The following ANKRD36 variants were observed in gnomAD, a reference collection of about 807,000 sequenced individuals.
ANKRD36 encodes ankyrin repeat domain 36, also known as ankyrin repeat domain-containing protein 36A.
A neutral mutation model predicts 278.1 loss-of-function variants in ANKRD36; 179 were observed. The ratio of observed to expected loss-of-function variants is 0.64; its 90% CI spans 0.57 to 0.73. The LOEUF is 0.73. ANKRD36 is among the 30% of genes least tolerant of loss of function. The pLI, the probability that ANKRD36 is intolerant of heterozygous loss-of-function variation, is 0.00. For synonymous variants in ANKRD36, 320 were observed against 641.1 expected, an observed-to-expected ratio of 0.50 and a Z score of 7.57; for missense variants, 1,159 against 1,956.7, an observed-to-expected ratio of 0.59 and a Z score of 7.69.
intron 30 of ANKRD36, among the ~76,000 whole-genome samples, chr2:97,185,881 A>T (rs1331603495): frequency 6.6e-6 from 1 of 151,846 alleles, no homozygotes; most frequent in African/African-American, 2.4e-5. Context: ...CTAAAAACAG[A>T]TGGAAAAGTG....
chr2:97,185,931 G>A (rs2057337038), intron 30 of ANKRD36, among the ~76,000 whole-genome samples: 1 of 151,750 alleles, frequency 6.6e-6, no homozygotes, highest in African/African-American at 2.4e-5. Flanking sequence ...GAGAACTAAC[G>A]AGACCACTGA....
Position 97,142,859 on chromosome 2 carries a change from G to A in ANKRD36, c.901+24G>A, listed in dbSNP as rs188603624. 191 of 1,546,596 alleles carry A rather than the reference G, an allele frequency of 1.2e-4. 1 individual carries two copies. The highest frequency in any genetic ancestry group is 4.4e-4 in the Admixed American group (22 of 49,696). Reference sequence around the variant, plus strand: ...AGGTATTTTGGAATACACATTTAATGTCATGTTCACTCAGGATAGAAGAGA... The same window carrying A: ...AGGTATTTTGGAATACACATTTAATATCATGTTCACTCAGGATAGAAGAGA... On this transcript the variant is annotated intron_variant, in intron 8 of 75. Coordinates refer to ENST00000420699, the MANE Select transcript of ANKRD36 (RefSeq NM_001354587.1).
intron 22 of ANKRD36, among the ~76,000 whole-genome samples, chr2:97,175,416 A>G (rs2053930574): frequency 6.6e-6 from 1 of 151,746 alleles, no homozygotes; most frequent in African/African-American, 2.4e-5. Flanking sequence ...ATTTGCGTAG[A>G]GGTGTTTGTA....
chr2:97,116,894 G>A (rs974563229), intron 1 of ANKRD36, among the ~76,000 whole-genome samples: 8 of 151,864 alleles, frequency 5.3e-5, no homozygotes, highest in Non-Finnish European at 1.0e-4. Context: ...TATTCATCAA[G>A]CATAACCTGA....
chr2:97,231,042 T>G (rs1352707368), intron 67 of ANKRD36, among the ~76,000 whole-genome samples: 1 of 152,112 alleles, frequency 6.6e-6, no homozygotes, highest in Non-Finnish European at 1.5e-5. Context: ...GGTGTCAGTC[T>G]GCCCCTACCT....
chr2:97,195,001 A>T, intron 40 of ANKRD36, 84 bp downstream of exon 40: 1 of 1,490,088 alleles, frequency 6.7e-7, no homozygotes, highest in Non-Finnish European at 9.0e-7. Context: ...GGGGCTGGTC[A>T]AAGATGCACA....
At chr2:97,208,460 C>T (rs1244565339) in intron 54 of ANKRD36, among the ~76,000 whole-genome samples, 4 of 146,318 alleles carry the variant, frequency 2.7e-5, no homozygotes, top group Non-Finnish European at 4.5e-5. Flanking sequence ...CTAAGGAAGA[C>T]GGATTGTGAG....
Position 97,224,891 on chromosome 2 carries a change from T to C in ANKRD36, c.3951+12T>C, listed in dbSNP as rs2068921658. On this transcript the variant is annotated intron_variant, in intron 67 of 75. Coordinates refer to ENST00000420699, the MANE Select transcript of ANKRD36 (RefSeq NM_001354587.1). ...ATAACCAGCCACAGGTATGTAAAAATTTAAAATCAAATTTCTGGTTTAATC... is the reference window on the plus strand; with the variant it reads ...ATAACCAGCCACAGGTATGTAAAAACTTAAAATCAAATTTCTGGTTTAATC... 1 of 979,632 alleles carries C rather than the reference T, an allele frequency of 1.0e-6. No homozygotes were observed. Among genetic ancestry groups the C allele is most frequent in the Admixed American group, 3.0e-5 (1 of 32,916 alleles). The allele number at this position is 979,632 out of a possible 1,614,324, so 60.7% of individuals were successfully genotyped here.
At chr2:97,193,403 G>T (rs1353882633) in intron 38 of ANKRD36, among the ~76,000 whole-genome samples, 1 of 136,448 alleles carries the variant, frequency 7.3e-6, no homozygotes, top group Non-Finnish European at 1.6e-5. Context: ...ACACACTTCA[G>T]CTCGCACTGC....
rs368889317 is a variant in ANKRD36, at chr2:97,134,660, C to T, written c.799+7526C>T. 3.8e-4 allele frequency among the ~76,000 whole-genome samples: 58 copies of T among 152,158 alleles called. 1 individual carries two copies. The East Asian group carries it at 6.0e-3, about 16-fold the overall frequency. On this transcript the variant is annotated intron_variant, in intron 6 of 75. Transcript: ENST00000420699. The stretch of plus-strand genomic sequence containing the variant: ...AAGAGAGTCATACTATTTTTGTTTA[C>T]ATAAAGTGACAAAGATTTGTTGTTG...
At chr2:97,207,047 A>C (rs2063052408) in intron 52 of ANKRD36, among the ~76,000 whole-genome samples, 1 of 151,616 alleles carries the variant, frequency 6.6e-6, no homozygotes, top group Non-Finnish European at 1.5e-5. Context: ...TCTGAATGAA[A>C]AACTGATCAA....
At chr2:97,156,912 T>C (rs1335662762) in intron 15 of ANKRD36, among the ~76,000 whole-genome samples, 2 of 151,924 alleles carry the variant, frequency 1.3e-5, no homozygotes, top group African/African-American at 4.8e-5. Flanking sequence ...TGATCACCAT[T>C]CTAACAGGTG....
chr2:97,230,479 T>G (rs2071565184), intron 67 of ANKRD36, among the ~76,000 whole-genome samples: 1 of 152,116 alleles, frequency 6.6e-6, no homozygotes, highest in African/African-American at 2.4e-5. Flanking sequence ...GCCTCGGCTT[T>G]CAGCTTCATC....
intron 58 of ANKRD36, 83 bp downstream of exon 58, chr2:97,211,824 C>G: frequency 7.0e-7 from 1 of 1,427,582 alleles, no homozygotes; most frequent in Non-Finnish European, 9.5e-7. Flanking sequence ...GCGGGGGGTT[C>G]GTCAAGCCTT....
chr2:97,234,936 T>C (rs1379284854), intron 68 of ANKRD36, among the ~76,000 whole-genome samples: 2 of 135,266 alleles, frequency 1.5e-5, no homozygotes, highest in African/African-American at 3.2e-5. Flanking sequence ...GCTACTTTTT[T>C]ACAAGGGTAT....
chr2:97,170,144 T>C (rs1209169666), intron 22 of ANKRD36, among the ~76,000 whole-genome samples: 1 of 151,940 alleles, frequency 6.6e-6, no homozygotes, highest in Non-Finnish European at 1.5e-5. Flanking sequence ...GTATGATCTT[T>C]GACAAACCTG....
chr2:97,222,094 T>A (rs1360776460), intron 66 of ANKRD36, among the ~76,000 whole-genome samples: 1 of 152,002 alleles, frequency 6.6e-6, no homozygotes, highest in Non-Finnish European at 1.5e-5. Context: ...GTTATAGATA[T>A]GTGGCATTAT....
Position 97,172,174 on chromosome 2 carries a change from CAT to C in ANKRD36, c.1633+4408_1633+4409del, listed in dbSNP as rs2052767444. Among the ~76,000 whole-genome samples the C allele has an allele frequency of 2.6e-5, 4 of 151,476 alleles. No individual in the cohort carries two copies. In the South Asian group the frequency reaches 6.3e-4, roughly 24 times the overall value. ...TGCACATTAAAAACCTCTTACAACA[CAT>C]GTGCACATTCATAGATAACATGTAG... On this transcript the variant is annotated intron_variant, in intron 22 of 75. Coordinates refer to ENST00000420699, the MANE Select transcript of ANKRD36 (RefSeq NM_001354587.1).
intron 3 of ANKRD36, among the ~76,000 whole-genome samples, chr2:97,121,280 A>G (rs1292132067): frequency 1.3e-5 from 2 of 152,086 alleles, no homozygotes; most frequent in Non-Finnish European, 2.9e-5. Context: ...GAATCATGGT[A>G]TGGTTGCATA....
Sources: gnomAD v4.1 joint callset for allele counts (sites outside exome capture counted in the v4.1 genomes callset) on GRCh38, gnomAD v4.1.1 for gene constraint, MANE v1.5 for transcripts, NCBI Gene and HGNC (gene_info 2026-07-23, HGNC 2026-07-21) for gene names.